FYB2: variants seen among roughly 807,000 people sequenced by gnomAD.
FYB2 encodes the protein FYN-binding protein 2.
FYB2 carries 103 observed loss-of-function variants against 94.1 expected under a neutral mutation model. The observed-to-expected ratio is 1.09, with a 90% CI of 0.93 to 1.29. FYB2 has a LOEUF of 1.29. Among genes scored for constraint, FYB2 ranks in the 50% most tolerant of loss-of-function variants. The probability of loss-of-function intolerance (pLI) is 0.00; values close to 1 mark genes in which losing one functional copy is unlikely to be tolerated. For missense variants in FYB2, 896 were observed against 841.5 expected, an observed-to-expected ratio of 1.06 and a Z score of -0.80; for synonymous variants, 293 against 287.9, an observed-to-expected ratio of 1.02 and a Z score of -0.18.
chr1:56,793,387 C>G (rs188532888), intron 1 of FYB2, among the ~76,000 whole-genome samples: 24 of 152,026 alleles, frequency 1.6e-4, no homozygotes, highest in Admixed American at 1.3e-3. Flanking sequence ...ACTTCGCTGC[C>G]TACTAATCCA....
chr1:56,815,110 G>A (rs188300507), intron 1 of FYB2, among the ~76,000 whole-genome samples: 4 of 152,180 alleles, frequency 2.6e-5, no homozygotes, highest in Non-Finnish European at 5.9e-5. Context: ...ATTCCACTCT[G>A]GATACTCTTT....
intron 9 of FYB2, among the ~76,000 whole-genome samples, chr1:56,746,695 C>T (rs1645074873): frequency 6.6e-6 from 1 of 151,888 alleles, no homozygotes; most frequent in African/African-American, 2.4e-5. Flanking sequence ...ATCCATTCTA[C>T]TTTTTATGGG....
intron 9 of FYB2, among the ~76,000 whole-genome samples, chr1:56,748,097 G>A (rs2100663169): frequency 6.6e-6 from 1 of 152,102 alleles, no homozygotes. Context: ...TGATGGGGTT[G>A]TTTTATTCTT....
chr1:56,810,748 C>T (rs565293970), intron 1 of FYB2, among the ~76,000 whole-genome samples: 111 of 152,268 alleles, frequency 7.3e-4, no homozygotes, highest in Non-Finnish European at 9.8e-4. Context: ...CTGCCTGGAA[C>T]GCACAGCTTA....
chr1:56,792,064 T>C lies in FYB2; in HGVS notation c.749A>G (p.Gln250Arg), dbSNP rs937969694. 2 of 1,579,718 alleles carry C rather than the reference T, an allele frequency of 1.3e-6. No homozygotes were observed. The highest frequency in any genetic ancestry group is 1.7e-6 in the Non-Finnish European group (2 of 1,167,160). ...GGGATCACGTTTGTTACCTGGGGCCTGACTGGCAAGCTCACACTCATAGAT... is the reference window on the plus strand; with the variant it reads ...GGGATCACGTTTGTTACCTGGGGCCCGACTGGCAAGCTCACACTCATAGAT... ...QPIYECELAS[Q>R]APEKQPDVRH... The change falls in exon 2 of 20, where the codon CAG becomes CGG. Residue 250 changes from glutamine (Q) to arginine (R), a missense_variant. Coordinates refer to ENST00000343433, the MANE Select transcript of FYB2 (RefSeq NM_001004303.5).
intron 1 of FYB2, among the ~76,000 whole-genome samples, chr1:56,814,410 A>G (rs1646835131): frequency 6.6e-6 from 1 of 152,282 alleles, no homozygotes. Flanking sequence ...AGAAGGGAAG[A>G]TTTGACTCAA....
upstream of FYB2, among the ~76,000 whole-genome samples, chr1:56,823,308 C>G (rs1570283868): frequency 1.3e-5 from 2 of 151,746 alleles, no homozygotes; most frequent in South Asian, 4.2e-4. Context: ...ATTAAAAAAA[C>G]AGGTAAAAAG....
intron 1 of FYB2, among the ~76,000 whole-genome samples, chr1:56,805,976 T>C (rs942154372): frequency 6.6e-6 from 1 of 152,186 alleles, no homozygotes; most frequent in Non-Finnish European, 1.5e-5. Context: ...GACTAATACA[T>C]CTGTGGTGTT....
At chr1:56,750,960 G>A in intron 9 of FYB2, 84 bp downstream of exon 9, 3 of 1,458,978 alleles carry the variant, frequency 2.1e-6, no homozygotes, top group Non-Finnish European at 2.8e-6. Flanking sequence ...AATAAATATT[G>A]GTAAAATAAA....
At chr1:56,824,869 A>T in the FYB2 span, 2 of 152,298 alleles carry the variant, frequency 1.3e-5, no homozygotes, top group Non-Finnish European at 2.9e-5. Flanking sequence ...CATGTGACAG[A>T]TCTCAGTTGG....
At chr1:56,780,673 C>T (rs921651785) in intron 4 of FYB2, among the ~76,000 whole-genome samples, 4 of 152,090 alleles carry the variant, frequency 2.6e-5, no homozygotes, top group African/African-American at 9.7e-5. Flanking sequence ...TAAGGTACAA[C>T]TCTTTATCTA....
chr1:56,816,351 C>T (rs1376084437), intron 1 of FYB2, among the ~76,000 whole-genome samples: 1 of 152,164 alleles, frequency 6.6e-6, no homozygotes, highest in Non-Finnish European at 1.5e-5. Flanking sequence ...ATGTCTACAT[C>T]ACGTGTCTCT....
At chr1:56,734,240 G>A (rs1644778670) in intron 15 of FYB2, among the ~76,000 whole-genome samples, 1 of 151,896 alleles carries the variant, frequency 6.6e-6, no homozygotes, top group South Asian at 2.1e-4. Context: ...TGCAACCCCT[G>A]CTTTTTTTGC....
intron 4 of FYB2, among the ~76,000 whole-genome samples, chr1:56,778,726 G>A (rs56150387): frequency 0.026 from 3,927 of 152,150 alleles, 134 homozygotes; most frequent in African/African-American, 0.069. Context: ...ATGAAATAGC[G>A]TCTTGGGTGA....
At chr1:56,795,550 T>A (rs1038343019) in intron 1 of FYB2, among the ~76,000 whole-genome samples, 1 of 152,094 alleles carries the variant, frequency 6.6e-6, no homozygotes, top group Admixed American at 6.6e-5. Context: ...TTGAGGAGCC[T>A]CCCTTCTGTT....
intron 4 of FYB2, among the ~76,000 whole-genome samples, chr1:56,777,784 C>G (rs1030351508): frequency 6.6e-6 from 1 of 152,048 alleles, no homozygotes; most frequent in Admixed American, 6.6e-5. Context: ...GACCTTATCA[C>G]CAACATCCTC....
chr1:56,820,398 G>A (rs1036315649), upstream of FYB2, among the ~76,000 whole-genome samples: 2 of 152,212 alleles, frequency 1.3e-5, no homozygotes, highest in Admixed American at 1.3e-4. Context: ...TGACAGAGCT[G>A]GAGATGGAAA....
At chr1:56,812,201 G>A (rs1475542312) in intron 1 of FYB2, among the ~76,000 whole-genome samples, 1 of 152,108 alleles carries the variant, frequency 6.6e-6, no homozygotes, top group Non-Finnish European at 1.5e-5. Flanking sequence ...CTTAGAGATG[G>A]GAAATCTGAA....
intron 13 of FYB2, among the ~76,000 whole-genome samples, 153 bp downstream of exon 13, chr1:56,740,544 A>G (rs1394018670): frequency 6.6e-6 from 1 of 152,068 alleles, no homozygotes; most frequent in Non-Finnish European, 1.5e-5. Flanking sequence ...TAGTTCAATC[A>G]AAAATTCACA....
Sources: gnomAD v4.1 joint callset for allele counts (sites outside exome capture counted in the v4.1 genomes callset) on GRCh38, gnomAD v4.1.1 for gene constraint, MANE v1.5 for transcripts, NCBI Gene and HGNC (gene_info 2026-07-23, HGNC 2026-07-21) for gene names.